The following RAB8B variants were observed in gnomAD, a reference collection of about 807,000 sequenced individuals.
RAB8B encodes the protein ras-related protein Rab-8B.
A neutral mutation model predicts 32.0 loss-of-function variants in RAB8B; 11 were observed. The observed-to-expected ratio is 0.34, with a 90% CI of 0.22 to 0.57. The LOEUF is 0.57. RAB8B is among the 20% of genes least tolerant of loss of function. The probability of loss-of-function intolerance (pLI) is 0.86; values close to 1 mark genes in which losing one functional copy is unlikely to be tolerated. For missense variants in RAB8B, 190 were observed against 258.5 expected, an observed-to-expected ratio of 0.73 and a Z score of 1.82; for synonymous variants, 103 against 89.6, an observed-to-expected ratio of 1.15 and a Z score of -0.85.
chr15:63,226,554 A>T (rs2037890344), intron 1 of RAB8B, among the ~76,000 whole-genome samples: 2 of 152,178 alleles, frequency 1.3e-5, no homozygotes, highest in African/African-American at 4.8e-5. Flanking sequence ...TCAGAAATTC[A>T]TGCCAAGATC....
chr15:63,194,920 C>G (rs550521786), intron 1 of RAB8B, among the ~76,000 whole-genome samples: 1 of 152,128 alleles, frequency 6.6e-6, no homozygotes, highest in African/African-American at 2.4e-5. Flanking sequence ...GTTTGCTGAC[C>G]GTTACTTAAA....
At chr15:63,219,003 G>GTTTTTTTTTT (rs1567012548) in intron 1 of RAB8B, among the ~76,000 whole-genome samples, 2 of 48,850 alleles carry the variant, frequency 4.1e-5, no homozygotes, top group African/African-American at 1.0e-4. Flanking sequence ...TCCAGCAGTG[G>GTTTTTTTTTT]ATTTTTTTTT....
rs189688361 is a variant in RAB8B, at chr15:63,245,938, G to A, written c.185+1122G>A. Among the ~76,000 whole-genome samples, 120 of 152,150 alleles carry A rather than the reference G, an allele frequency of 7.9e-4. 1 individual carries two copies. Among genetic ancestry groups the A allele is most frequent in the African/African-American group, 2.8e-3 (115 of 41,498 alleles). Reference sequence around the variant, plus strand: ...CCCAAGCTGTGGTGCAATGGTGTGAGCTCGGCTCACTGCAACCTCCACCTC... The same window carrying A: ...CCCAAGCTGTGGTGCAATGGTGTGAACTCGGCTCACTGCAACCTCCACCTC... On this transcript the variant is annotated intron_variant, in intron 2 of 7. Transcript: ENST00000321437.
chr15:63,246,526 A>G (rs4984255), intron 2 of RAB8B, among the ~76,000 whole-genome samples: 19,525 of 152,186 alleles, frequency 0.13, 1,284 homozygotes, highest in East Asian at 0.19. Flanking sequence ...TGGAAGAGAT[A>G]CACAGGGCAA....
Position 63,230,252 on chromosome 15 carries a change from C to G in RAB8B, c.125-14504C>G, listed in dbSNP as rs139718406. Among the ~76,000 whole-genome samples the G allele has an allele frequency of 3.3e-5, 5 of 152,188 alleles. No individual in the cohort carries two copies. In the South Asian group the frequency reaches 1.0e-3, roughly 32 times the overall value. On this transcript the variant is annotated intron_variant, in intron 1 of 7. Transcript: ENST00000321437. ...AGGCTCTTGTTAACTAGATTCAGAA[C>G]GCTGGAAGTTTGCAGTTATGTTTGT...
chr15:63,263,929 T>G lies in RAB8B; in HGVS notation c.*310T>G. ...TTACTTTGCACATCAGTGTTAGCCT[T>G]TCCCTATTTCAGCACAATCTTAGAC... On this transcript the variant is annotated 3_prime_UTR_variant, in exon 8 of 8. Coordinates refer to ENST00000321437, the MANE Select transcript of RAB8B (RefSeq NM_016530.3). 1 of 242,550 alleles carries G rather than the reference T, an allele frequency of 4.1e-6. No homozygotes were observed. The highest frequency in any genetic ancestry group is 8.1e-6 in the Non-Finnish European group (1 of 123,604). 15.0% of individuals were successfully genotyped at this position (242,550 alleles called of 1,614,324 possible).
intron 5 of RAB8B, among the ~76,000 whole-genome samples, chr15:63,258,316 G>T (rs985649335): frequency 1.3e-5 from 2 of 151,992 alleles, no homozygotes; most frequent in African/African-American, 2.4e-5. Context: ...TGGCCAGGCT[G>T]GTCTCTTAAC....
intron 1 of RAB8B, among the ~76,000 whole-genome samples, chr15:63,240,883 G>C (rs558220220): frequency 6.0e-5 from 9 of 151,250 alleles, no homozygotes; most frequent in Non-Finnish European, 1.3e-4. Context: ...GAGGCTTTAA[G>C]GAGCCTCAAA....
At chr15:63,195,527 A>T (rs928368431) in intron 1 of RAB8B, among the ~76,000 whole-genome samples, 4 of 152,234 alleles carry the variant, frequency 2.6e-5, no homozygotes, top group African/African-American at 9.6e-5. Flanking sequence ...ATAGGTTTAG[A>T]TATTGTTTTA....
rs535913243 is a variant in RAB8B at position 63,263,623 on chromosome 15, A to C, written c.*4A>C. 1 of 1,597,152 alleles carries C rather than the reference A, an allele frequency of 6.3e-7. No individual in the cohort carries two copies. Among genetic ancestry groups the C allele is most frequent in the South Asian group, 1.1e-5 (1 of 90,656 alleles). ...CTTTCGTTGCTCGCTACTTTGATGA[A>C]CTCTTTCTGAGAGACTGCAGCACAC... On this transcript the variant is annotated 3_prime_UTR_variant, in exon 8 of 8. Coordinates refer to ENST00000321437, the MANE Select transcript of RAB8B (RefSeq NM_016530.3).
rs370407154 is a variant in RAB8B, at chr15:63,259,706, G to A, written c.480+14G>A. 28 of 1,611,184 alleles carry A rather than the reference G, an allele frequency of 1.7e-5. No individual in the cohort carries two copies. The highest frequency in any genetic ancestry group is 3.3e-5 in the Admixed American group (2 of 59,992). ...AATGTAGAAGAGGTAAGAAGGAAAC[G>A]TTTGGTGACTGTTACGGAGCAGCAC... is the stretch of plus-strand genomic sequence containing the variant. On this transcript the variant is annotated intron_variant, in intron 6 of 7. Transcript: ENST00000321437. The surrounding 1 kb of genome is among the most constrained non-coding windows in gnomAD (Gnocchi z 4.4).
chr15:63,211,871 AT>A (rs1183851120), intron 1 of RAB8B, among the ~76,000 whole-genome samples: 1 of 152,058 alleles, frequency 6.6e-6, no homozygotes, highest in Non-Finnish European at 1.5e-5. Context: ...TCACTCTGTC[AT>A]TTAGGCTGGA....
At chr15:63,242,561 C>T (rs974971693) in intron 1 of RAB8B, among the ~76,000 whole-genome samples, 1 of 152,066 alleles carries the variant, frequency 6.6e-6, no homozygotes, top group Admixed American at 6.6e-5. Flanking sequence ...ACCTGTAGTC[C>T]CAGCTACTCG....
chr15:63,201,261 C>T (rs748164683), intron 1 of RAB8B, among the ~76,000 whole-genome samples: 3 of 152,108 alleles, frequency 2.0e-5, no homozygotes, highest in Non-Finnish European at 2.9e-5. Flanking sequence ...AGTAAATCTC[C>T]GTGTTATGAA....
chr15:63,262,803 G>T (rs1216042322), intron 7 of RAB8B, 61 bp downstream of exon 7: 2 of 811,362 alleles, frequency 2.5e-6, no homozygotes, highest in Non-Finnish European at 3.5e-6. Flanking sequence ...TGATGAAAAG[G>T]ATAGGTCTAA....
chr15:63,239,151 C>T (rs374721407), intron 1 of RAB8B, among the ~76,000 whole-genome samples: 1 of 152,024 alleles, frequency 6.6e-6, no homozygotes, highest in Non-Finnish European at 1.5e-5. Context: ...CAACAAATTG[C>T]CTTAAGCTAG....
intron 1 of RAB8B, among the ~76,000 whole-genome samples, chr15:63,225,194 G>A (rs570438157): frequency 6.6e-6 from 1 of 152,290 alleles, no homozygotes; most frequent in East Asian, 1.9e-4. Context: ...CTTAGCCTTT[G>A]TTAATGTAAC....
At chr15:63,223,829 A>G (rs183361637) in intron 1 of RAB8B, 23 of 422,936 alleles carry the variant, frequency 5.4e-5, no homozygotes, top group African/African-American at 4.5e-4. Context: ...TTTTGTCTTT[A>G]TATTGTTTTC....
intron 6 of RAB8B, among the ~76,000 whole-genome samples, chr15:63,260,094 A>C (rs1287515532): frequency 6.6e-6 from 1 of 152,132 alleles, no homozygotes; most frequent in Non-Finnish European, 1.5e-5. Flanking sequence ...TGGCCTCCCA[A>C]AGTGCTGGAA....
Sources: allele counts gnomAD v4.1 joint callset (sites outside exome capture counted in the v4.1 genomes callset), GRCh38; gene constraint gnomAD v4.1.1; non-coding constraint Gnocchi (gnomAD v3.1); transcripts MANE v1.5; gene names NCBI Gene and HGNC (gene_info 2026-07-23, HGNC 2026-07-21).